The following ELAVL4 variants were observed in gnomAD, a reference collection of about 807,000 sequenced individuals.
ELAVL4 encodes the protein ELAV like RNA binding protein 4.
Under a neutral mutation model 35.6 loss-of-function variants are expected in ELAVL4, and 1 was observed. That is an observed-to-expected ratio of 0.03 (90% CI 0.01 to 0.13). The LOEUF is 0.13. Ranked by LOEUF, ELAVL4 falls within the 10% of genes least tolerant of loss-of-function variation. ELAVL4 has a pLI of 1.00. For synonymous variants in ELAVL4, 156 were observed against 171.0 expected, an observed-to-expected ratio of 0.91 and a Z score of 0.69; for missense variants, 267 against 464.9, an observed-to-expected ratio of 0.57 and a Z score of 3.91.
chr1:50,193,969 C>T, intron 4 of ELAVL4, 51 bp downstream of exon 4: 4 of 1,597,692 alleles, frequency 2.5e-6, no homozygotes, highest in South Asian at 1.1e-5. Flanking sequence ...GTCATCAGCC[C>T]TGTTACTCAT....
chr1:50,085,865 G>A (rs1458109714), intron 1 of ELAVL4, among the ~76,000 whole-genome samples: 8 of 152,204 alleles, frequency 5.3e-5, no homozygotes, highest in Non-Finnish European at 8.8e-5. Flanking sequence ...GGGAGGCAGC[G>A]AAGGGGGAGA....
intron 2 of ELAVL4, among the ~76,000 whole-genome samples, chr1:50,156,905 C>T (rs936477385): frequency 6.6e-6 from 1 of 152,118 alleles, no homozygotes; most frequent in Non-Finnish European, 1.5e-5. Flanking sequence ...ATAATGAACA[C>T]CAATTTCAGT....
chr1:50,092,201 G>A (rs1204423762), intron 1 of ELAVL4, among the ~76,000 whole-genome samples: 1 of 152,192 alleles, frequency 6.6e-6, no homozygotes, highest in Admixed American at 6.5e-5. Flanking sequence ...GTATATGTGT[G>A]GGGAAGGGCC....
Position 50,128,699 on chromosome 1 carries a change from G to A in ELAVL4, c.10-16258G>A, listed in dbSNP as rs147527743. 3.3e-3 allele frequency among the ~76,000 whole-genome samples: 501 copies of A among 152,220 alleles called. 1 individual carries two copies. The highest frequency in any genetic ancestry group is 0.011 in the African/African-American group (467 of 41,560). ...TGGCAGAGAGAGGAGGGCTTTCCAG[G>A]CCAAGGGAGTGCTTATGTGCAGAGT... On this transcript the variant is annotated intron_variant, in intron 1 of 6. Transcript: ENST00000371824.
intron 3 of ELAVL4, among the ~76,000 whole-genome samples, chr1:50,189,523 T>C (rs1445944641): frequency 6.6e-6 from 1 of 152,156 alleles, no homozygotes; most frequent in Admixed American, 6.5e-5. Context: ...GTCAGTAAAG[T>C]GGTAAAAGAT....
At chr1:50,082,314 T>C (rs1258772334) in intron 1 of ELAVL4, among the ~76,000 whole-genome samples, 1 of 152,244 alleles carries the variant, frequency 6.6e-6, no homozygotes, top group Non-Finnish European at 1.5e-5. Context: ...AAAGCATTCC[T>C]ATTTCTCCAC....
chr1:50,141,541 G>T (rs963990869), intron 1 of ELAVL4, among the ~76,000 whole-genome samples: 9 of 152,194 alleles, frequency 5.9e-5, no homozygotes, highest in African/African-American at 2.2e-4. Context: ...CAGCTTGGCA[G>T]AGCTGAAACC....
intron 2 of ELAVL4, among the ~76,000 whole-genome samples, chr1:50,158,849 G>A (rs181192314): frequency 8.4e-4 from 128 of 152,184 alleles, no homozygotes; most frequent in Non-Finnish European, 1.5e-3. Context: ...GACCAGCCTG[G>A]CCAAAATGGT....
intron 1 of ELAVL4, chr1:50,110,064 C>A: frequency 1.4e-6 from 2 of 1,421,538 alleles, no homozygotes; most frequent in Non-Finnish European, 2.0e-6. Context: ...CTGGACTGTG[C>A]ATCGTAAATC....
intron 3 of ELAVL4, among the ~76,000 whole-genome samples, chr1:50,184,164 G>A (rs1401140472): frequency 6.6e-6 from 1 of 152,138 alleles, no homozygotes; most frequent in East Asian, 1.9e-4. Flanking sequence ...TCAAATACAA[G>A]GATAGGAGTT....
chr1:50,171,039 A>G (rs75246040), intron 2 of ELAVL4, among the ~76,000 whole-genome samples: 3,044 of 152,272 alleles, frequency 0.02, 105 homozygotes, highest in African/African-American at 0.069. Context: ...CAAGCAAACA[A>G]ACAAAAAAAC....
intron 1 of ELAVL4, chr1:50,109,706 AAAG>A (rs1324278693): frequency 7.3e-6 from 4 of 548,192 alleles, no homozygotes; most frequent in African/African-American, 1.9e-5. Context: ...TCAAAACGGC[AAAG>A]AGAGTGATTT....
At position 50,082,790 on chromosome 1, in the gene ELAVL4, A is replaced by G. The variant is rs529696683; in HGVS notation, c.18+34608A>G. Among the ~76,000 whole-genome samples the G allele has an allele frequency of 2.6e-5, 4 of 152,278 alleles. No homozygotes were observed. The South Asian group carries it at 8.3e-4, about 32-fold the overall frequency. ...GTAAGAATTAGGCATTTGATCTATA[A>G]CTATGGAACAGACTTTCTTTCCTGT... On this transcript the variant is annotated intron_variant, in intron 1 of 6. Transcript: ENST00000448907.
intron 1 of ELAVL4, among the ~76,000 whole-genome samples, chr1:50,057,278 G>A (rs1352692294): frequency 6.6e-6 from 1 of 152,058 alleles, no homozygotes; most frequent in African/African-American, 2.4e-5. Flanking sequence ...ATGTGTTTGT[G>A]TTTTCAGCTA....
At chr1:50,084,172 T>C (rs903175529) in intron 1 of ELAVL4, among the ~76,000 whole-genome samples, 1 of 152,208 alleles carries the variant, frequency 6.6e-6, no homozygotes, top group African/African-American at 2.4e-5. Context: ...TATAAAACAG[T>C]ATAAAGATGA....
At chr1:50,177,025 T>G in intron 2 of ELAVL4, 64 bp from the exon 3 acceptor site, 4 of 1,375,774 alleles carry the variant, frequency 2.9e-6, no homozygotes, top group Non-Finnish European at 4.1e-6. Context: ...ATGCTCTCTC[T>G]CTCTCTCTTT....
chr1:50,073,423 G>T (rs184042306), intron 1 of ELAVL4, among the ~76,000 whole-genome samples: 31 of 151,888 alleles, frequency 2.0e-4, no homozygotes, highest in Admixed American at 1.8e-3. Flanking sequence ...AGGCAAAAAT[G>T]CTTCATTGAT....
At chr1:50,128,829 G>A (rs1470000330) in intron 1 of ELAVL4, among the ~76,000 whole-genome samples, 1 of 152,098 alleles carries the variant, frequency 6.6e-6, no homozygotes, top group Non-Finnish European at 1.5e-5. Flanking sequence ...TATGGAACTT[G>A]TAGTGGGTAA....
intron 2 of ELAVL4, among the ~76,000 whole-genome samples, chr1:50,171,480 GA>G (rs1678997981): frequency 2.0e-5 from 3 of 152,178 alleles, no homozygotes; most frequent in Non-Finnish European, 4.4e-5. Context: ...TAGGCCTGAT[GA>G]TACCCATTTC....
Sources: allele counts gnomAD v4.1 joint callset (sites outside exome capture counted in the v4.1 genomes callset), GRCh38; gene constraint gnomAD v4.1.1; transcripts MANE v1.5; gene names NCBI Gene and HGNC (gene_info 2026-07-23, HGNC 2026-07-21).